AGPS: variants seen among roughly 807,000 people sequenced by gnomAD.
AGPS encodes the protein alkylglycerone phosphate synthase.
Under a neutral mutation model 90.7 loss-of-function variants are expected in AGPS, and 26 were observed. That is an observed-to-expected ratio of 0.29 (90% CI 0.21 to 0.40). The LOEUF (loss-of-function observed/expected upper bound fraction) is 0.40. AGPS is among the 10% of genes least tolerant of loss of function. The probability of loss-of-function intolerance (pLI) is 1.00; values close to 1 mark genes in which losing one functional copy is unlikely to be tolerated. For missense variants in AGPS, 540 were observed against 816.1 expected (o/e 0.66, Z 4.12); for synonymous variants, 294 against 285.3 (o/e 1.03, Z -0.31).
At chr2:177,426,476 C>G in intron 2 of AGPS, among the ~76,000 whole-genome samples, 1 of 152,226 alleles carries the variant, frequency 6.6e-6, no homozygotes, top group Middle Eastern at 3.4e-3. Context: ...TGCCGGTTTT[C>G]GAGGAGAATG....
chr2:177,459,662 G>GA (rs1432403210), intron 8 of AGPS, among the ~76,000 whole-genome samples: 1 of 152,182 alleles, frequency 6.6e-6, no homozygotes, highest in Non-Finnish European at 1.5e-5. Flanking sequence ...AAAAAATCAA[G>GA]AAACAACATA....
At chr2:177,471,429 A>G (rs56406341) in intron 10 of AGPS, among the ~76,000 whole-genome samples, 5,900 of 152,256 alleles carry the variant, frequency 0.039, 163 homozygotes, top group Non-Finnish European at 0.058. Flanking sequence ...TTCAACAAGT[A>G]GCTTTCTCCT....
chr2:177,495,187 C>T (rs1179785986), intron 12 of AGPS, among the ~76,000 whole-genome samples: 1 of 152,104 alleles, frequency 6.6e-6, no homozygotes, highest in Middle Eastern at 3.2e-3. Context: ...GGGTATGTTT[C>T]TTAGTCATTT....
chr2:177,444,048 C>T (rs1686692784), intron 7 of AGPS, among the ~76,000 whole-genome samples: 1 of 152,110 alleles, frequency 6.6e-6, no homozygotes, highest in Admixed American at 6.6e-5. Context: ...TTTGTCTTTT[C>T]ATTCTGCAAT....
intron 1 of AGPS, among the ~76,000 whole-genome samples, chr2:177,410,876 G>A (rs1427120789): frequency 6.6e-6 from 1 of 152,162 alleles, no homozygotes; most frequent in Admixed American, 6.5e-5. Flanking sequence ...CATCCCCTGG[G>A]GCAGTGGGCC....
chr2:177,538,251 G>A lies in AGPS; in HGVS notation c.*56G>A. The A allele has an allele frequency of 6.6e-7, 1 of 1,520,370 alleles. No individual in the cohort carries two copies. The highest frequency in any genetic ancestry group is 1.1e-5 in the South Asian group (1 of 88,608). The allele number at this position is 1,520,370 out of a possible 1,614,324, so 94.2% of individuals were successfully genotyped here. On this transcript the variant is annotated 3_prime_UTR_variant, in exon 20 of 20. Coordinates refer to ENST00000264167, the MANE Select transcript of AGPS (RefSeq NM_003659.4). The stretch of plus-strand genomic sequence containing the variant: ...ATTTTTTTTTTAAGTTTTCAACTGT[G>A]GTTATACTAGTAATCAAATATATCA...
At chr2:177,423,893 T>C (rs1686002105) in intron 2 of AGPS, among the ~76,000 whole-genome samples, 1 of 152,160 alleles carries the variant, frequency 6.6e-6, no homozygotes, top group African/African-American at 2.4e-5. Flanking sequence ...TTAGTCCTCC[T>C]GGGTTTAAGC....
At chr2:177,537,381 G>A (rs1449159251) in intron 19 of AGPS, among the ~76,000 whole-genome samples, 1 of 152,062 alleles carries the variant, frequency 6.6e-6, no homozygotes, top group Non-Finnish European at 1.5e-5. Context: ...ACTTTGTACA[G>A]TATGTAAAAG....
chr2:177,526,009 G>A (rs530888056), intron 19 of AGPS, among the ~76,000 whole-genome samples: 2 of 152,112 alleles, frequency 1.3e-5, no homozygotes, highest in South Asian at 2.1e-4. Flanking sequence ...ACAGAAAAAA[G>A]GAAATATGCA....
At position 177,542,042 on chromosome 2, in the gene AGPS, T is replaced by TG. The variant is rs1406108300; in HGVS notation, c.*3847_*3848insG. On this transcript the variant is annotated 3_prime_UTR_variant, in exon 20 of 20. Transcript: ENST00000264167. The stretch of plus-strand genomic sequence containing the variant: ...TAATAAAATGGACCTGGGTCTAATA[T>TG]TTTTTTTCTTCAAAGGGAGTGTGAA... 2.7e-4 allele frequency: 1 copy of TG among 3,660 alleles called. No homozygotes were observed. Among genetic ancestry groups the TG allele is most frequent in the African/African-American group, 8.3e-4 (1 of 1,204 alleles). 0.2% of individuals were successfully genotyped at this position (3,660 alleles called of 1,614,324 possible). A position where few individuals can be genotyped will look rare whatever the true frequency, so the allele number is the denominator to read the frequency against.
At chr2:177,514,255 C>T (rs1688962413) in intron 17 of AGPS, among the ~76,000 whole-genome samples, 1 of 152,116 alleles carries the variant, frequency 6.6e-6, no homozygotes, top group African/African-American at 2.4e-5. Flanking sequence ...TATACATACT[C>T]AACATGACTC....
chr2:177,509,939 GT>G (rs1291338089), intron 16 of AGPS, among the ~76,000 whole-genome samples: 1 of 152,056 alleles, frequency 6.6e-6, no homozygotes. Context: ...TTCTATGTCA[GT>G]TCTGTCTACC....
intron 10 of AGPS, among the ~76,000 whole-genome samples, chr2:177,477,290 T>A (rs750055589): frequency 3.5e-4 from 54 of 152,160 alleles, no homozygotes; most frequent in Non-Finnish European, 1.0e-4. Context: ...CCTTAGTGAT[T>A]TTTTTCAGTA....
rs771907891 is a variant in AGPS at position 177,437,004 on chromosome 2, T to C, written c.587T>C (p.Leu196Ser). Residue 196 changes from leucine (L) to serine (S), a missense_variant, in exon 5 of 20, where the codon TTG becomes TCG. Leu to Ser is a moderately radical substitution (Grantham distance 145, BLOSUM62 -2). This residue lies in a region of AGPS where 405 missense variants were observed against 692.1 expected (regional missense o/e 0.59). Coordinates refer to ENST00000264167, the MANE Select transcript of AGPS (RefSeq NM_003659.4). ...AHGHCLHEIFLLREGMFERIP... is the reference protein window; with the variant it reads ...AHGHCLHEIFSLREGMFERIP... ...GGTCATTGTCTTCATGAGATATTTT[T>C]GCTCAGGGAAGGAATGTTTGAGCGA... 12 of 1,613,526 alleles carry C rather than the reference T, an allele frequency of 7.4e-6. No individual in the cohort carries two copies. The highest frequency in any genetic ancestry group is 1.1e-5 in the South Asian group (1 of 91,048).
intron 2 of AGPS, among the ~76,000 whole-genome samples, 198 bp downstream of exon 2, chr2:177,420,556 G>A (rs1312442917): frequency 6.6e-6 from 1 of 151,398 alleles, no homozygotes; most frequent in African/African-American, 2.4e-5. Context: ...GTATTTGTGT[G>A]TGTGTATATA....
intron 9 of AGPS, 152 bp downstream of exon 9, chr2:177,462,170 CATG>C: frequency 1.7e-5 from 9 of 523,116 alleles, no homozygotes; most frequent in Non-Finnish European, 2.8e-5. Flanking sequence ...GCGGGCGGAT[CATG>C]AGGTCAGGAG....
At chr2:177,526,227 CT>C (rs749224337) in intron 19 of AGPS, among the ~76,000 whole-genome samples, 11,498 of 124,248 alleles carry the variant, frequency 0.093, 463 homozygotes, top group East Asian at 0.3. Flanking sequence ...AGCTTCTTGT[CT>C]TTTTTTTTTT....
In AGPS at chr2:177,538,315, A is replaced by G; in HGVS notation, c.*120A>G. 8.8e-7 allele frequency: 1 copy of G among 1,139,944 alleles called. No individual in the cohort carries two copies. The highest frequency in any genetic ancestry group is 1.3e-6 in the Non-Finnish European group (1 of 793,434). 70.6% of individuals were successfully genotyped at this position (1,139,944 alleles called of 1,614,324 possible). A position where few individuals can be genotyped will look rare whatever the true frequency, so the allele number is the denominator to read the frequency against. ...GGATACATTTGTTTCTTTGGTTTAA[A>G]ATAAGTTTGTTTTCATTCTGTAGTT... On this transcript the variant is annotated 3_prime_UTR_variant, in exon 20 of 20. Coordinates refer to ENST00000264167, the MANE Select transcript of AGPS (RefSeq NM_003659.4).
At chr2:177,435,132 G>T (rs1686364914) in intron 3 of AGPS, among the ~76,000 whole-genome samples, 1 of 149,092 alleles carries the variant, frequency 6.7e-6, no homozygotes, top group Non-Finnish European at 1.5e-5. Context: ...TTATTATTTT[G>T]CTGTAGCATA....
Sources: allele counts gnomAD v4.1 joint callset (sites outside exome capture counted in the v4.1 genomes callset), GRCh38; gene constraint gnomAD v4.1.1; regional missense constraint gnomAD v4.1.1; transcripts MANE v1.5; gene names NCBI Gene and HGNC (gene_info 2026-07-23, HGNC 2026-07-21).